Variants in FILIP1 observed in about 807,000 individuals in gnomAD.
The protein encoded by FILIP1 is filamin A interacting protein 1.
Under a neutral mutation model 102.1 loss-of-function variants are expected in FILIP1, and 61 were observed. That is an observed-to-expected ratio of 0.60 (90% CI 0.49 to 0.74). The LOEUF is 0.74. Among genes scored for constraint, FILIP1 ranks in the 30% least tolerant of loss-of-function variants. The pLI is 0.00. For missense variants in FILIP1, 1,314 were observed against 1,441.2 expected (o/e 0.91, Z 1.43); for synonymous variants, 491 against 526.9 (o/e 0.93, Z 0.93).
At chr6:75,326,820 C>A (rs1390399971) in intron 4 of FILIP1, among the ~76,000 whole-genome samples, 7 of 152,208 alleles carry the variant, frequency 4.6e-5, no homozygotes, top group Non-Finnish European at 8.8e-5. Flanking sequence ...TTGCCAGACT[C>A]TGTTTAGGTT....
exon 7 of FILIP1, chr6:75,292,568 T>C (rs1320429298): frequency 6.6e-6 from 1 of 152,218 alleles, no homozygotes; most frequent in Non-Finnish European, 1.5e-5. Context: ...TCAATTCTTA[T>C]AAACTTTTAT....
intron 4 of FILIP1, among the ~76,000 whole-genome samples, chr6:75,345,932 TGTG>T (rs1396663913): frequency 6.6e-6 from 1 of 152,096 alleles, no homozygotes; most frequent in Non-Finnish European, 1.5e-5. Context: ...GTTCTATTGC[TGTG>T]GTGGTGGTGG....
intron 1 of FILIP1, among the ~76,000 whole-genome samples, chr6:75,442,346 C>T (rs1157256367): frequency 1.3e-5 from 2 of 152,030 alleles, no homozygotes; most frequent in Admixed American, 6.5e-5. Flanking sequence ...ACTTCCCAGA[C>T]GGGGTGGCGG....
chr6:75,421,539 C>G (rs1191448304), intron 1 of FILIP1, among the ~76,000 whole-genome samples: 1 of 152,084 alleles, frequency 6.6e-6, no homozygotes, highest in Non-Finnish European at 1.5e-5. Context: ...GTACTATATC[C>G]TTGTCACTGA....
rs188030270 is a variant in FILIP1, at chr6:75,485,796, C to T, written c.-7+7618G>A. On this transcript the variant is annotated intron_variant, in intron 1 of 5. Coordinates refer to ENST00000237172, the MANE Select transcript of FILIP1 (RefSeq NM_015687.5). ...CCATAGTAGCAAAATGGCTGAAAAG[C>T]GTCAGGCAATTTTTCTTAAACTACA... is the stretch of plus-strand genomic sequence containing the variant. Among the ~76,000 whole-genome samples the T allele has an allele frequency of 3.3e-3, 503 of 152,046 alleles. 2 individuals are homozygous for T. The highest frequency in any genetic ancestry group is 6.8e-3 in the Middle Eastern group (2 of 294).
At chr6:75,420,883 T>C (rs1777439891) in intron 1 of FILIP1, among the ~76,000 whole-genome samples, 3 of 152,198 alleles carry the variant, frequency 2.0e-5, no homozygotes, top group Admixed American at 1.3e-4. Flanking sequence ...ATCATTGAAA[T>C]ACCAATTGAT....
At chr6:75,440,270 T>C (rs1485620888) in intron 1 of FILIP1, among the ~76,000 whole-genome samples, 1 of 152,188 alleles carries the variant, frequency 6.6e-6, no homozygotes, top group African/African-American at 2.4e-5. Flanking sequence ...AGATACAAGC[T>C]GATCTTTTAA....
chr6:75,428,781 C>T (rs1777718918), intron 1 of FILIP1, among the ~76,000 whole-genome samples: 1 of 152,126 alleles, frequency 6.6e-6, no homozygotes, highest in Admixed American at 6.6e-5. Context: ...AAATGATGCC[C>T]AACTGACCAA....
In FILIP1 at chr6:75,308,845, G is replaced by A; in HGVS notation, c.3488C>T (p.Ser1163Leu). The change falls in exon 6 of 6, where the codon TCA becomes TTA. Residue 1163 changes from serine (S) to leucine (L), a missense_variant. By Grantham distance (145) the Ser-to-Leu change is moderately radical. Coordinates refer to ENST00000237172, the MANE Select transcript of FILIP1 (RefSeq NM_015687.5). ...TGGCTTTCCTGCTTTCATACCTTTT[G>A]ACATAGGAATGCGGGTGGGTGTAGG... ...QRPTPTRIPM[S>L]KGMKAGKPVV... 1 of 1,614,096 alleles carries A rather than the reference G, an allele frequency of 6.2e-7. No homozygotes were observed. Among genetic ancestry groups the A allele is most frequent in the Non-Finnish European group, 8.5e-7 (1 of 1,179,992 alleles).
intron 4 of FILIP1, among the ~76,000 whole-genome samples, chr6:75,317,022 A>G (rs1020811770): frequency 2.0e-5 from 3 of 152,212 alleles, no homozygotes; most frequent in Non-Finnish European, 4.4e-5. Context: ...TAACATGTTA[A>G]AGCTTCTAAA....
intron 1 of FILIP1, among the ~76,000 whole-genome samples, chr6:75,486,276 A>G (rs1215732877): frequency 6.6e-6 from 1 of 152,180 alleles, no homozygotes; most frequent in Non-Finnish European, 1.5e-5. Context: ...GAATCAACCC[A>G]GCGTGTAGAA....
intron 2 of FILIP1, among the ~76,000 whole-genome samples, chr6:75,407,226 A>T (rs1776889661): frequency 2.6e-5 from 4 of 151,720 alleles, no homozygotes; most frequent in Non-Finnish European, 2.9e-5. Context: ...TATTTTATAA[A>T]TTTTTTATTT....
downstream of FILIP1, among the ~76,000 whole-genome samples, chr6:75,307,504 G>T (rs886888376): frequency 1.3e-5 from 2 of 152,196 alleles, no homozygotes; most frequent in Admixed American, 1.3e-4. Context: ...CAGCCTACAT[G>T]AGATCTTGTG....
chr6:75,418,264 CAT>C (rs554864956), intron 1 of FILIP1, among the ~76,000 whole-genome samples: 1 of 152,138 alleles, frequency 6.6e-6, no homozygotes, highest in Non-Finnish European at 1.5e-5. Flanking sequence ...TTGAGAAATC[CAT>C]ATATATGTCT....
At chr6:75,359,746 G>C (rs998267055) in intron 3 of FILIP1, among the ~76,000 whole-genome samples, 1 of 152,148 alleles carries the variant, frequency 6.6e-6, no homozygotes, top group South Asian at 2.1e-4. Context: ...CTCAAGGATT[G>C]AAAGTTCAAA....
intron 4 of FILIP1, among the ~76,000 whole-genome samples, chr6:75,327,300 C>G (rs1773896315): frequency 6.6e-6 from 1 of 152,124 alleles, no homozygotes; most frequent in Non-Finnish European, 1.5e-5. Flanking sequence ...ATTGCTATCC[C>G]CCTGGCCCAA....
chr6:75,456,173 A>G (rs1036932092), intron 1 of FILIP1, among the ~76,000 whole-genome samples: 1 of 152,190 alleles, frequency 6.6e-6, no homozygotes, highest in Middle Eastern at 3.2e-3. Flanking sequence ...ATGTCTGGAA[A>G]CACTTTTGGT....
Position 75,362,819 on chromosome 6 carries a change from C to T in FILIP1, c.375G>A (p.Arg125=), listed in dbSNP as rs200327242. Reference sequence around the variant, plus strand: ...CAAGAATGGCATCTCGGTGCAGGACCCGCAGCACTTTCTCTGGCTCCGCAG... The same window carrying T: ...CAAGAATGGCATCTCGGTGCAGGACTCGCAGCACTTTCTCTGGCTCCGCAG... The part of the protein sequence containing the change: ...YGSAEPEKVL[R]VLHRDAILAQ... The change falls in exon 3 of 6, where the codon CGG becomes CGA. Residue 125 remains arginine (R), a synonymous_variant. Transcript: ENST00000237172. 6.2e-7 allele frequency: 1 copy of T among 1,613,808 alleles called. No homozygotes were observed. The highest frequency in any genetic ancestry group is 8.5e-7 in the Non-Finnish European group (1 of 1,179,990).
At chr6:75,491,898 G>A (rs567453353) in intron 1 of FILIP1, among the ~76,000 whole-genome samples, 3 of 152,270 alleles carry the variant, frequency 2.0e-5, no homozygotes, top group Non-Finnish European at 4.4e-5. Flanking sequence ...GACTCCAAAA[G>A]AAATTACATG....
Sources: gnomAD v4.1 joint callset for allele counts (sites outside exome capture counted in the v4.1 genomes callset) on GRCh38, gnomAD v4.1.1 for gene constraint, MANE v1.5 for transcripts, NCBI Gene and HGNC (gene_info 2026-07-23, HGNC 2026-07-21) for gene names.